CD99: variants seen among roughly 807,000 people sequenced by gnomAD.
CD99 encodes CD99 antigen.
CD99 carries 19 observed loss-of-function variants against 28.4 expected under a neutral mutation model. That is an observed-to-expected ratio of 0.67 (90% CI 0.47 to 0.98). CD99 has a LOEUF of 0.98. CD99 is among the 50% of genes least tolerant of loss of function. The pLI is 0.00. For missense variants in CD99, 283 were observed against 248.8 expected (o/e 1.14, Z -0.92); for synonymous variants, 103 against 92.1 (o/e 1.12, Z -0.67).
chrX:2,731,429 A>C (rs1455248040), intron 8 of CD99, among the ~76,000 whole-genome samples: 1 of 152,168 alleles, frequency 6.6e-6, no homozygotes, highest in Non-Finnish European at 1.5e-5. Context: ...GGCTCTACTA[A>C]AAATACAAAA....
Position 2,728,922 on chromosome X carries a change from G to A in CD99, c.475+2549G>A, listed in dbSNP as rs1463506445. Among the ~76,000 whole-genome samples the A allele has an allele frequency of 2.0e-4, 22 of 112,230 alleles. 1 individual carries two copies. In the South Asian group the frequency reaches 4.3e-3, roughly 22 times the overall value. The allele number at this position is 112,230 out of a possible 152,430, so 73.6% of individuals were successfully genotyped here. A position where few individuals can be genotyped will look rare whatever the true frequency, so the allele number is the denominator to read the frequency against. Reference sequence around the variant, plus strand: ...TGCAATCTTGGCTCACTGCAACCTCGCGGGTTCAAGCAATTCTCCTGCCTC... The same window carrying A: ...TGCAATCTTGGCTCACTGCAACCTCACGGGTTCAAGCAATTCTCCTGCCTC... On this transcript the variant is annotated intron_variant, in intron 8 of 9. Coordinates refer to ENST00000381192, the MANE Select transcript of CD99 (RefSeq NM_002414.5).
intron 1 of CD99, among the ~76,000 whole-genome samples, chrX:2,707,361 A>C (rs1288180257): frequency 6.6e-6 from 1 of 152,080 alleles, no homozygotes; most frequent in Non-Finnish European, 1.5e-5. Flanking sequence ...AAAAAACAGC[A>C]AAAAGAGAAC....
At chrX:2,723,092 C>G (rs932916703) in intron 6 of CD99, among the ~76,000 whole-genome samples, 2 of 152,170 alleles carry the variant, frequency 1.3e-5, no homozygotes, top group African/African-American at 4.8e-5. Context: ...TGGGAGTATG[C>G]GTTCTCAGAG....
chrX:2,716,617 A>G (rs1388456156), intron 2 of CD99, among the ~76,000 whole-genome samples: 1 of 152,220 alleles, frequency 6.6e-6, no homozygotes, highest in Non-Finnish European at 1.5e-5. Flanking sequence ...TCAGCCTCCC[A>G]AAGTGCTGAG....
intron 5 of CD99, 102 bp from the exon 6 acceptor site, chrX:2,722,525 T>A (rs1487677939): frequency 2.3e-5 from 23 of 998,606 alleles, no homozygotes; most frequent in Non-Finnish European, 3.5e-5. Flanking sequence ...TTCACCATGT[T>A]GATGAACAGG....
Position 2,722,649 on chromosome X carries a change from T to C in CD99, c.285T>C (p.Leu95=). 1 of 1,614,006 alleles carries C rather than the reference T, an allele frequency of 6.2e-7. No homozygotes were observed. The highest frequency in any genetic ancestry group is 1.1e-5 in the South Asian group (1 of 91,074). The part of the protein sequence containing the change: ...SSSGSFSDAD[L]ADGVSGGEGK... ...TAGGTAGCTTTTCAGATGCTGACCT[T>C]GCGGATGGCGTTTCAGGTGGAGAAG... The change falls in exon 6 of 10, where the codon CTT becomes CTC. Residue 95 remains leucine, a synonymous_variant. Transcript: ENST00000381192.
chrX:2,729,844 A>G (rs2049498606), intron 8 of CD99, among the ~76,000 whole-genome samples: 1 of 152,178 alleles, frequency 6.6e-6, no homozygotes, highest in African/African-American at 2.4e-5. Context: ...CAATTTTCCT[A>G]GATTCTTCAA....
chrX:2,732,055 ATTAC>A (rs1206383890), intron 8 of CD99, among the ~76,000 whole-genome samples: 1 of 151,606 alleles, frequency 6.6e-6, no homozygotes, highest in Non-Finnish European at 1.5e-5. Context: ...CTATGTTGCC[ATTAC>A]TTTTAATGGC....
At chrX:2,727,401 C>G (rs745520625) in intron 8 of CD99, 6 of 765,002 alleles carry the variant, frequency 7.8e-6, no homozygotes, top group South Asian at 6.9e-5. Flanking sequence ...TGGGCACTTA[C>G]ATTTAGCTCT....
At chrX:2,692,100 G>T (rs1386422089) in intron 1 of CD99, 2 of 600,436 alleles carry the variant, frequency 3.3e-6, no homozygotes, top group Admixed American at 5.9e-5. Context: ...AAAGTGGGCA[G>T]GGAAGAAAGA....
At chrX:2,715,318 C>G (rs1257987291) in intron 2 of CD99, 2 of 152,140 alleles carry the variant, frequency 1.3e-5, no homozygotes, top group African/African-American at 2.4e-5. Flanking sequence ...ATCTTCCAGA[C>G]CTGGACAACA....
At chrX:2,739,599 G>A (rs755067544) in intron 9 of CD99, among the ~76,000 whole-genome samples, 1 of 151,962 alleles carries the variant, frequency 6.6e-6, no homozygotes, top group South Asian at 2.1e-4. Flanking sequence ...ACAGGCACCC[G>A]CCATCATGCC....
At chrX:2,696,510 C>T (rs1200460680) in intron 1 of CD99, among the ~76,000 whole-genome samples, 1 of 152,166 alleles carries the variant, frequency 6.6e-6, no homozygotes, top group African/African-American at 2.4e-5. Context: ...AAGCAATTCT[C>T]CTGTCTCAGC....
intron 1 of CD99, among the ~76,000 whole-genome samples, chrX:2,712,422 G>A (rs2048450138): frequency 6.6e-6 from 1 of 151,382 alleles, no homozygotes; most frequent in African/African-American, 2.4e-5. Flanking sequence ...TGTAAATAAA[G>A]AAAAAAAATA....
chrX:2,708,123 C>T (rs1396462619), intron 1 of CD99, among the ~76,000 whole-genome samples: 1 of 144,176 alleles, frequency 6.9e-6, no homozygotes, highest in African/African-American at 2.7e-5. Context: ...GACTGCCTTC[C>T]TCACACACAC....
At chrX:2,705,056 T>G (rs991292652) in intron 1 of CD99, among the ~76,000 whole-genome samples, 2 of 152,110 alleles carry the variant, frequency 1.3e-5, no homozygotes, top group African/African-American at 4.8e-5. Context: ...GAGAGACGAG[T>G]TTAACTATTG....
chrX:2,699,487 T>A (rs959399161), intron 1 of CD99, among the ~76,000 whole-genome samples: 4 of 149,232 alleles, frequency 2.7e-5, no homozygotes, highest in Non-Finnish European at 4.5e-5. Context: ...TTTTTTTTTT[T>A]AAATTACAGA....
chrX:2,733,490 A>C (rs1197448446), intron 8 of CD99: 2 of 1,074,060 alleles, frequency 1.9e-6, no homozygotes, highest in East Asian at 5.2e-5. Context: ...CCCTGCTGGC[A>C]AATTCCCACC....
intron 1 of CD99, among the ~76,000 whole-genome samples, chrX:2,712,031 T>C (rs186325724): frequency 2.0e-5 from 3 of 152,148 alleles, no homozygotes; most frequent in Admixed American, 1.3e-4. Context: ...AGTGAGACTC[T>C]GTCTCAAAAA....
Sources: allele counts gnomAD v4.1 joint callset (sites outside exome capture counted in the v4.1 genomes callset), GRCh38; gene constraint gnomAD v4.1.1; transcripts MANE v1.5; gene names NCBI Gene and HGNC (gene_info 2026-07-23, HGNC 2026-07-21).